The following SYT16 variants were observed in gnomAD, a reference collection of about 807,000 sequenced individuals.
SYT16 encodes the protein synaptotagmin-16.
Under a neutral mutation model 61.4 loss-of-function variants are expected in SYT16, and 42 were observed. The ratio of observed to expected loss-of-function variants is 0.68; its 90% CI spans 0.53 to 0.89. SYT16 has a LOEUF of 0.89. Ranked by LOEUF, SYT16 falls within the 40% of genes least tolerant of loss-of-function variation. The pLI is 0.00. For synonymous variants in SYT16, 314 were observed against 302.3 expected (o/e 1.04, Z -0.40); for missense variants, 804 against 807.3 (o/e 1.00, Z 0.05).
At position 61,848,833 on chromosome 14, in the gene SYT16, A is replaced by G. The variant is rs768818946; in HGVS notation, c.-325+36023A>G. ...TGACAGAGCTGGTATCTAAGCTGCAAGACAAGCCCCCTTTACCTTTCCCTC... is the reference window on the plus strand; with the variant it reads ...TGACAGAGCTGGTATCTAAGCTGCAGGACAAGCCCCCTTTACCTTTCCCTC... On this transcript the variant is annotated intron_variant, in intron 1 of 7. Coordinates refer to ENST00000683842, the MANE Select transcript of SYT16 (RefSeq NM_001367656.1). Among the ~76,000 whole-genome samples the G allele has an allele frequency of 1.1e-3, 168 of 152,302 alleles. 1 individual carries two copies. Among genetic ancestry groups the G allele is most frequent in the East Asian group, 5.8e-4 (3 of 5,180 alleles).
At chr14:61,866,137 C>T (rs2047144517) in intron 1 of SYT16, among the ~76,000 whole-genome samples, 1 of 151,366 alleles carries the variant, frequency 6.6e-6, no homozygotes, top group Non-Finnish European at 1.5e-5. Context: ...TAAAGGAAAC[C>T]ACCTTTGTAG....
At chr14:62,054,775 T>C (rs182646522) in intron 3 of SYT16, among the ~76,000 whole-genome samples, 46 of 152,322 alleles carry the variant, frequency 3.0e-4, no homozygotes, top group Admixed American at 7.2e-4. Context: ...AGAAATTATC[T>C]CTGTAGCTTG....
At chr14:61,926,254 C>CG (rs2049532218) in intron 1 of SYT16, among the ~76,000 whole-genome samples, 3 of 23,020 alleles carry the variant, frequency 1.3e-4, no homozygotes, top group Non-Finnish European at 2.2e-4. Context: ...TGCAAAGAGT[C>CG]AAAGAGTATG....
chr14:61,922,307 A>T (rs1363933237), intron 1 of SYT16, among the ~76,000 whole-genome samples: 1 of 152,232 alleles, frequency 6.6e-6, no homozygotes. Flanking sequence ...GGCAGATTGG[A>T]TAAAGAAAAT....
intron 1 of SYT16, among the ~76,000 whole-genome samples, chr14:61,935,801 G>C (rs2049958922): frequency 6.6e-6 from 1 of 152,182 alleles, no homozygotes; most frequent in Non-Finnish European, 1.5e-5. Flanking sequence ...TAAGCACATA[G>C]TAGGTTCTTT....
chr14:62,047,259 G>A (rs1238803886), intron 3 of SYT16, among the ~76,000 whole-genome samples: 3 of 152,190 alleles, frequency 2.0e-5, no homozygotes, highest in African/African-American at 7.2e-5. Context: ...GTTCACTCAT[G>A]ATTTGGCTCT....
chr14:61,913,608 C>G (rs2049010873), intron 1 of SYT16, among the ~76,000 whole-genome samples: 1 of 151,896 alleles, frequency 6.6e-6, no homozygotes, highest in Non-Finnish European at 1.5e-5. Context: ...AAAATATACT[C>G]TGCTGTAATG....
rs138831889 is a variant in SYT16, at chr14:61,854,467, G to A, written c.-325+41657G>A. 1.6e-4 allele frequency among the ~76,000 whole-genome samples: 25 copies of A among 152,276 alleles called. No individual in the cohort carries two copies. The East Asian group carries it at 3.3e-3, about 20-fold the overall frequency. ...GCGTGCACATGCTTATACCTCTCTC[G>A]GAGATCCTTGTCACTATTACTATAG... On this transcript the variant is annotated intron_variant, in intron 1 of 7. Transcript: ENST00000683842.
rs114979668 is a variant in SYT16, at chr14:61,948,707, A to G, written c.-324-21425A>G. Among the ~76,000 whole-genome samples the G allele has an allele frequency of 1.7e-3, 257 of 152,316 alleles. 1 individual carries two copies. Among genetic ancestry groups the G allele is most frequent in the African/African-American group, 5.8e-3 (241 of 41,566 alleles). Reference sequence around the variant, plus strand: ...ACAGCTAAAGCCACGAGAAAAATGCAGAAAATATGTGAAGGAATCCTTGTT... The same window carrying G: ...ACAGCTAAAGCCACGAGAAAAATGCGGAAAATATGTGAAGGAATCCTTGTT... On this transcript the variant is annotated intron_variant, in intron 1 of 7. Coordinates refer to ENST00000683842, the MANE Select transcript of SYT16 (RefSeq NM_001367656.1).
chr14:61,983,131 A>G (rs2052156948), intron 2 of SYT16, among the ~76,000 whole-genome samples: 1 of 152,206 alleles, frequency 6.6e-6, no homozygotes, highest in Admixed American at 6.5e-5. Context: ...GTGGGTGTCT[A>G]CGAGTTTATA....
At chr14:61,882,663 C>T (rs552941623) in intron 1 of SYT16, among the ~76,000 whole-genome samples, 3 of 152,256 alleles carry the variant, frequency 2.0e-5, no homozygotes, top group African/African-American at 7.2e-5. Flanking sequence ...CTAACTGTTC[C>T]CCCAGATCTT....
intron 1 of SYT16, among the ~76,000 whole-genome samples, chr14:61,848,435 TC>T (rs2046508666): frequency 6.6e-6 from 1 of 152,166 alleles, no homozygotes; most frequent in African/African-American, 2.4e-5. Context: ...TCTCTCTCTC[TC>T]TCTCTGTGCT....
intron 3 of SYT16, among the ~76,000 whole-genome samples, chr14:62,053,371 T>TA (rs2055397299): frequency 6.6e-6 from 1 of 152,196 alleles, no homozygotes; most frequent in Middle Eastern, 3.2e-3. Context: ...GACCGGAACT[T>TA]ACGCTATTGG....
Position 61,885,679 on chromosome 14 carries a change from C to A in SYT16, c.-325+72869C>A, listed in dbSNP as rs555166345. Among the ~76,000 whole-genome samples, 67 of 152,030 alleles carry A rather than the reference C, an allele frequency of 4.4e-4. 1 individual carries two copies. The highest frequency in any genetic ancestry group is 8.5e-4 in the Admixed American group (13 of 15,248). On this transcript the variant is annotated intron_variant, in intron 1 of 7. Coordinates refer to ENST00000683842, the MANE Select transcript of SYT16 (RefSeq NM_001367656.1). Reference sequence around the variant, plus strand: ...GATATTGCAGGTTTGGTTCTAGACACCAAAATAAAGCAAATATCTCAATTG... The same window carrying A: ...GATATTGCAGGTTTGGTTCTAGACAACAAAATAAAGCAAATATCTCAATTG...
intron 1 of SYT16, among the ~76,000 whole-genome samples, chr14:61,877,185 G>A (rs1410155581): frequency 6.6e-6 from 1 of 152,174 alleles, no homozygotes; most frequent in Non-Finnish European, 1.5e-5. Flanking sequence ...CTCCCAGGAA[G>A]CCTGGGGACT....
rs919833651 is a variant in SYT16, at chr14:62,106,859, C to T, written c.*6152C>T. 1.7e-4 allele frequency: 26 copies of T among 152,138 alleles called. No individual in the cohort carries two copies. The highest frequency in any genetic ancestry group is 6.0e-4 in the African/African-American group (25 of 41,406). 9.4% of individuals were successfully genotyped at this position (152,138 alleles called of 1,614,324 possible). A position where few individuals can be genotyped will look rare whatever the true frequency, so the allele number is the denominator to read the frequency against. ...AGCTCGAGGCTTTACAGAACAAGCT[C>T]ATAGGCAGTCATGGAGATCTGAGGC... On this transcript the variant is annotated 3_prime_UTR_variant, in exon 8 of 8. Transcript: ENST00000683842.
At chr14:61,901,912 C>G (rs985029637) in intron 1 of SYT16, among the ~76,000 whole-genome samples, 1 of 151,998 alleles carries the variant, frequency 6.6e-6, no homozygotes, top group African/African-American at 2.4e-5. Context: ...CAGGCACACT[C>G]CACCACTCCC....
intron 1 of SYT16, among the ~76,000 whole-genome samples, chr14:61,886,151 A>G (rs949456410): frequency 1.3e-5 from 2 of 151,982 alleles, no homozygotes; most frequent in Non-Finnish European, 2.9e-5. Context: ...TTTTTAGTAG[A>G]GATGGAGTTT....
intron 3 of SYT16, among the ~76,000 whole-genome samples, chr14:62,029,876 G>A (rs940697256): frequency 6.6e-6 from 1 of 151,994 alleles, no homozygotes; most frequent in African/African-American, 2.4e-5. Flanking sequence ...TGATATGTTT[G>A]TGTGTGTTTC....
Sources: allele counts gnomAD v4.1 joint callset (sites outside exome capture counted in the v4.1 genomes callset), GRCh38; gene constraint gnomAD v4.1.1; transcripts MANE v1.5; gene names NCBI Gene and HGNC (gene_info 2026-07-23, HGNC 2026-07-21).